TGIF1: variants seen among roughly 807,000 people sequenced by gnomAD.
TGIF1 encodes homeobox protein TGIF1.
In TGIF1, 4 loss-of-function variants were observed where a neutral mutation model predicts 19.3. That is an observed-to-expected ratio of 0.21 (90% CI 0.10 to 0.47). The LOEUF (loss-of-function observed/expected upper bound fraction) is 0.47. Ranked by LOEUF, TGIF1 falls within the 20% of genes least tolerant of loss-of-function variation. The pLI is 0.98. For synonymous variants in TGIF1, 122 were observed against 129.3 expected (o/e 0.94, Z 0.38); for missense variants, 275 against 341.4 (o/e 0.81, Z 1.53).
At chr18:3,443,998 G>C (rs1445687533) in intron 2 of TGIF1, among the ~76,000 whole-genome samples, 1 of 148,984 alleles carries the variant, frequency 6.7e-6, no homozygotes. Flanking sequence ...GCAGTGGCAC[G>C]ATCTCGGCTC....
Position 3,430,589 on chromosome 18 carries a change from AC to A in TGIF1, c.-45+12376del, listed in dbSNP as rs773938904. On this transcript the variant is annotated intron_variant, in intron 2 of 3. Coordinates refer to the TGIF1 transcript ENST00000401449. ...GTGATATTAGTTCACTGCAGCCTCC[AC>A]CTGACACAGGCTCAAGCAATCCTCC... Among the ~76,000 whole-genome samples, 388 of 151,756 alleles carry A rather than the reference AC, an allele frequency of 2.6e-3. 1 individual carries two copies. The highest frequency in any genetic ancestry group is 5.0e-3 in the Non-Finnish European group (341 of 67,980).
At chr18:3,430,110 C>G (rs1464968227) in intron 2 of TGIF1, among the ~76,000 whole-genome samples, 2 of 152,186 alleles carry the variant, frequency 1.3e-5, no homozygotes, top group African/African-American at 2.4e-5. Flanking sequence ...GAGCTGAGAT[C>G]GCAACATTGC....
intron 2 of TGIF1, among the ~76,000 whole-genome samples, chr18:3,435,441 G>A (rs1355986426): frequency 6.6e-6 from 1 of 151,954 alleles, no homozygotes; most frequent in Non-Finnish European, 1.5e-5. Context: ...CAGGCAATCC[G>A]CCTGCCTCGG....
rs2049434112 is a variant in TGIF1, at chr18:3,458,458, ATAAG to A, written c.*521_*524del. On this transcript the variant is annotated 3_prime_UTR_variant, in exon 3 of 3. Transcript: ENST00000343820. ...CTGTTGAGGGAGGTGCTTCTTAAAA[ATAAG>A]TAGGAATATAGCACCCCAGTGAGCA... 6.0e-6 allele frequency: 1 copy of A among 167,930 alleles called. No individual in the cohort carries two copies. The highest frequency in any genetic ancestry group is 1.8e-4 in the East Asian group (1 of 5,644). The allele number at this position is 167,930 out of a possible 1,614,324, so 10.4% of individuals were successfully genotyped here.
At chr18:3,434,413 G>T (rs1471709590) in intron 2 of TGIF1, among the ~76,000 whole-genome samples, 1 of 151,874 alleles carries the variant, frequency 6.6e-6, no homozygotes, top group East Asian at 1.9e-4. Context: ...GTGCATGCCT[G>T]TAATCCCAGC....
At chr18:3,428,076 C>T (rs902603823) in intron 2 of TGIF1, among the ~76,000 whole-genome samples, 6 of 152,156 alleles carry the variant, frequency 3.9e-5, no homozygotes, top group African/African-American at 1.2e-4. Context: ...CTGACATTTG[C>T]ATTGTTGATG....
chr18:3,425,647 A>AC (rs2082457096), intron 2 of TGIF1, among the ~76,000 whole-genome samples: 1 of 151,454 alleles, frequency 6.6e-6, no homozygotes, highest in Non-Finnish European at 1.5e-5. Context: ...TGTTTTCCAC[A>AC]CCCCTATGAT....
chr18:3,447,814 G>GA (rs2082770601), upstream of TGIF1: 2 of 1,613,938 alleles, frequency 1.2e-6, no homozygotes, highest in South Asian at 2.2e-5. Context: ...TCACATCTCC[G>GA]TTTTTTCCTC....
chr18:3,447,210 G>T (rs1301179525), upstream of TGIF1, among the ~76,000 whole-genome samples: 2 of 151,970 alleles, frequency 1.3e-5, no homozygotes, highest in Non-Finnish European at 2.9e-5. Context: ...AAATAATGGT[G>T]AAAAACGTTT....
At chr18:3,412,988 A>C (rs2082289992) in intron 1 of TGIF1, 1 of 152,250 alleles carries the variant, frequency 6.6e-6, no homozygotes, top group South Asian at 2.1e-4. Flanking sequence ...ACTGCACTCC[A>C]GCCTGGGCGA....
chr18:3,453,702 A>C (rs1366348345), intron 1 of TGIF1: 2 of 720,754 alleles, frequency 2.8e-6, no homozygotes, highest in Non-Finnish European at 3.4e-6. Context: ...AAAAAAAAAA[A>C]AAAAAAGAAC....
At position 3,456,683 on chromosome 18, in the gene TGIF1, C is replaced by T. The variant is rs1322774839; in HGVS notation, c.243+103C>T. 2.2e-6 allele frequency: 2 copies of T among 929,918 alleles called. No homozygotes were observed. The highest frequency in any genetic ancestry group is 3.4e-6 in the Non-Finnish European group (2 of 589,076). 57.6% of individuals were successfully genotyped at this position (929,918 alleles called of 1,614,324 possible). On this transcript the variant is annotated intron_variant, in intron 2 of 2. Transcript: ENST00000343820. This position sits in a 1 kb window ranked among gnomAD's most constrained non-coding sequence, Gnocchi z 4.2. Reference sequence around the variant, plus strand: ...CATTAAGCTCCTTGCCACTCAAAGACAGAAGGAATATCTTTTTATTGTAAA... The same window carrying T: ...CATTAAGCTCCTTGCCACTCAAAGATAGAAGGAATATCTTTTTATTGTAAA...
In TGIF1 at chr18:3,452,112, G is replaced by T. The variant is rs773451816; in HGVS notation, c.16+1607G>T. On this transcript the variant is annotated intron_variant, in intron 1 of 2. Transcript: ENST00000343820. ...GAATCCCCAGTGCTCCTTTTCCACG[G>T]CTTTTCTGGCGTCCCCCCGACTCTC... 4.3e-6 allele frequency: 7 copies of T among 1,613,796 alleles called. No individual in the cohort carries two copies. In the Middle Eastern group the frequency reaches 1.2e-3, roughly 266 times the overall value.
At chr18:3,434,997 T>C (rs1270741049) in intron 2 of TGIF1, among the ~76,000 whole-genome samples, 1 of 152,180 alleles carries the variant, frequency 6.6e-6, no homozygotes, top group Non-Finnish European at 1.5e-5. Flanking sequence ...AGGTTACTCA[T>C]TGCTTTTTTA....
At chr18:3,425,757 T>A (rs2082459047) in intron 2 of TGIF1, among the ~76,000 whole-genome samples, 1 of 152,074 alleles carries the variant, frequency 6.6e-6, no homozygotes, top group Non-Finnish European at 1.5e-5. Flanking sequence ...GATATTGATT[T>A]GGGTGATGAC....
chr18:3,451,865 C>G lies in TGIF1; in HGVS notation c.16+1360C>G. On this transcript the variant is annotated intron_variant, in intron 1 of 2. Coordinates refer to ENST00000343820, the MANE Select transcript of TGIF1 (RefSeq NM_003244.4). This position sits in a 1 kb window ranked among gnomAD's most constrained non-coding sequence, Gnocchi z 5.4. ...TGGGAGAAAACGCGCGGGGGGCGTC[C>G]GAGACGCCCCGTGAAAGCCGTGCCG... is the stretch of plus-strand genomic sequence containing the variant. 1 of 1,415,668 alleles carries G rather than the reference C, an allele frequency of 7.1e-7. No individual in the cohort carries two copies. 87.7% of individuals were successfully genotyped at this position (1,415,668 alleles called of 1,614,324 possible). A position where few individuals can be genotyped will look rare whatever the true frequency, so the allele number is the denominator to read the frequency against.
At chr18:3,420,901 G>A (rs1337046823) in intron 2 of TGIF1, among the ~76,000 whole-genome samples, 1 of 152,210 alleles carries the variant, frequency 6.6e-6, no homozygotes, top group African/African-American at 2.4e-5. Context: ...AAGCAGACTA[G>A]AATGGAATAC....
At chr18:3,422,836 A>G (rs1197389022) in intron 2 of TGIF1, among the ~76,000 whole-genome samples, 28 of 150,736 alleles carry the variant, frequency 1.9e-4, no homozygotes, top group Non-Finnish European at 3.5e-4. Flanking sequence ...GACTACAGGC[A>G]CCCGCCACCA....
Position 3,458,574 on chromosome 18 carries a change from GATGTGTGAT to G in TGIF1, c.*637_*645del. 6.5e-6 allele frequency: 1 copy of G among 154,698 alleles called. No individual in the cohort carries two copies. Among genetic ancestry groups the G allele is most frequent in the East Asian group, 1.9e-4 (1 of 5,206 alleles). The allele number at this position is 154,698 out of a possible 1,614,324, so 9.6% of individuals were successfully genotyped here. Reference sequence around the variant, plus strand: ...ACAACAAGCCAGTTTGCATAAACAGGATGTGTGATATTTACTCTTGATAGGAGGCATAGC... The same window carrying G: ...ACAACAAGCCAGTTTGCATAAACAGGATTTACTCTTGATAGGAGGCATAGC... On this transcript the variant is annotated 3_prime_UTR_variant, in exon 3 of 3. Coordinates refer to ENST00000343820, the MANE Select transcript of TGIF1 (RefSeq NM_003244.4).
Sources: gnomAD v4.1 joint callset for allele counts (sites outside exome capture counted in the v4.1 genomes callset) on GRCh38, gnomAD v4.1.1 for gene constraint, Gnocchi (gnomAD v3.1) non-coding constraint, MANE v1.5 for transcripts, NCBI Gene and HGNC (gene_info 2026-07-23, HGNC 2026-07-21) for gene names.